Variants in TNRC18 observed in about 807,000 individuals in gnomAD.
TNRC18 encodes trinucleotide repeat containing 18.
Under a neutral mutation model 226.7 loss-of-function variants are expected in TNRC18, and 69 were observed. The observed-to-expected ratio is 0.30, with a 90% CI of 0.25 to 0.37. The LOEUF (loss-of-function observed/expected upper bound fraction) is 0.37. Among genes scored for constraint, TNRC18 ranks in the 10% least tolerant of loss-of-function variants. The probability of loss-of-function intolerance (pLI) is 1.00; values close to 1 mark genes in which losing one functional copy is unlikely to be tolerated. For missense variants in TNRC18, 4,754 were observed against 4,256.6 expected (o/e 1.12, Z -3.25); for synonymous variants, 2,449 against 1,927.6 (o/e 1.27, Z -7.09).
In TNRC18 at chr7:5,388,134, T is replaced by A. The variant is rs771797162; in HGVS notation, c.1690A>T (p.Thr564Ser). 3.9e-6 allele frequency: 6 copies of A among 1,557,428 alleles called. 1 individual carries two copies. In the South Asian group the frequency reaches 7.1e-5, roughly 18 times the overall value. Residue 564 changes from threonine (T) to serine (S), a missense_variant, in exon 5 of 30, where the codon ACC becomes TCC. Coordinates refer to ENST00000430969, the MANE Select transcript of TNRC18 (RefSeq NM_001080495.3). ...ATGTCAGCGACCGGCCGGCCGCAGG[T>A]GGCCGCCGAGCGGGGCAGCACAGCC... is the stretch of plus-strand genomic sequence containing the variant. ...PGAVLPRSAA[T>S]CGRPVADMHS... is the part of the protein sequence containing the mutation.
chr7:5,330,373 G>T (rs190448339), intron 19 of TNRC18, among the ~76,000 whole-genome samples: 1 of 151,372 alleles, frequency 6.6e-6, no homozygotes, highest in Admixed American at 6.6e-5. Flanking sequence ...GGGACTATAG[G>T]CACTGATCAC....
rs530879698 is a variant in TNRC18, at chr7:5,421,117, G to A, written c.130C>T (p.Pro44Ser). 2.0e-6 allele frequency: 3 copies of A among 1,467,076 alleles called. No individual in the cohort carries two copies. The highest frequency in any genetic ancestry group is 2.9e-5 in the African/African-American group (2 of 69,808). 90.9% of individuals were successfully genotyped at this position (1,467,076 alleles called of 1,614,324 possible). Residue 44 changes from proline (P) to serine (S), a missense_variant, in exon 2 of 30, where the codon CCC becomes TCC. Pro to Ser is a moderately conservative substitution (Grantham distance 74). Coordinates refer to ENST00000430969, the MANE Select transcript of TNRC18 (RefSeq NM_001080495.3). Reference sequence around the variant, plus strand: ...TACTTCCCGGGCGGCAGCGGGCCGGGCAAGCCCGAGGCGGGCAAGCGTCCG... The same window carrying A: ...TACTTCCCGGGCGGCAGCGGGCCGGACAAGCCCGAGGCGGGCAAGCGTCCG... ...TAGRLPASGL[P>S]GPLPPGKYMA...
intron 13 of TNRC18, 64 bp downstream of exon 13, chr7:5,361,833 G>C: frequency 6.6e-7 from 1 of 1,509,536 alleles, no homozygotes; most frequent in Non-Finnish European, 8.8e-7. Context: ...GACGGCTGCT[G>C]CGCGCCTGGG....
At position 5,362,437 on chromosome 7, in the gene TNRC18, G is replaced by C. The variant is rs563780053; in HGVS notation, c.4395+213C>G. Among the ~76,000 whole-genome samples, 5 of 152,272 alleles carry C rather than the reference G, an allele frequency of 3.3e-5. 1 individual carries two copies. The South Asian group carries it at 1.0e-3, about 32-fold the overall frequency. On this transcript the variant is annotated intron_variant, in intron 12 of 29. Coordinates refer to ENST00000430969, the MANE Select transcript of TNRC18 (RefSeq NM_001080495.3). ...GATCACACCGCGACCTGTGTGATGA[G>C]CCTGACATGCTAGCAGACAGGTAAA...
intron 10 of TNRC18, among the ~76,000 whole-genome samples, chr7:5,372,930 G>A (rs1794302449): frequency 6.6e-6 from 1 of 152,074 alleles, no homozygotes; most frequent in South Asian, 2.1e-4. Flanking sequence ...AGGCTGAGGT[G>A]GGCAGATCAC....
chr7:5,381,388 C>T (rs1016898841), intron 5 of TNRC18, among the ~76,000 whole-genome samples: 1 of 152,148 alleles, frequency 6.6e-6, no homozygotes, highest in African/African-American at 2.4e-5. Context: ...TCCCCTTCCC[C>T]ACCTCTGGGC....
In TNRC18 at chr7:5,324,879, G is replaced by A. The variant is rs1437356316; in HGVS notation, c.6300+217C>T. Among the ~76,000 whole-genome samples the A allele has an allele frequency of 6.6e-6, 1 of 152,146 alleles. No homozygotes were observed. The highest frequency in any genetic ancestry group is 6.5e-5 in the Admixed American group (1 of 15,274). ...CTCTGTTCCAGTGTCCCTCGCCCCC[G>A]CTAGAGCAGACATTTCCTGAGGACA... is the stretch of plus-strand genomic sequence containing the variant. On this transcript the variant is annotated intron_variant, in intron 20 of 29. Transcript: ENST00000430969. The surrounding 1 kb of genome is among the most constrained non-coding windows in gnomAD (Gnocchi z 4.8).
intron 24 of TNRC18, 21 bp from the exon 25 acceptor site, chr7:5,316,093 C>T: frequency 1.3e-6 from 2 of 1,596,478 alleles, no homozygotes; most frequent in Admixed American, 1.7e-5. Flanking sequence ...AGGGGAGGCT[C>T]AGGGGAGGCC....
chr7:5,389,471 T>TTTTTTTTCTTTTC, intron 4 of TNRC18, 135 bp from the exon 5 acceptor site: 1 of 923,914 alleles, frequency 1.1e-6, no homozygotes, highest in Non-Finnish European at 1.4e-6. Flanking sequence ...GTTTTTTTTT[T>TTTTTTTTCTTTTC]CAGAAAGAGT....
chr7:5,385,511 A>AC (rs1215628264), intron 5 of TNRC18, among the ~76,000 whole-genome samples: 1 of 147,622 alleles, frequency 6.8e-6, no homozygotes, highest in Non-Finnish European at 1.5e-5. Context: ...AAAAAAAAAA[A>AC]AAAAAAGAAA....
Position 5,421,085 on chromosome 7 carries a change from G to C in TNRC18, c.162C>G (p.Ala54=), listed in dbSNP as rs1409830861. The C allele has an allele frequency of 2.0e-6, 3 of 1,493,142 alleles. No individual in the cohort carries two copies. In the East Asian group the frequency reaches 7.6e-5, roughly 38 times the overall value. The allele number at this position is 1,493,142 out of a possible 1,614,324, so 92.5% of individuals were successfully genotyped here. ...PGPLPPGKYM[A]GLNLHPHPGE... Reference sequence around the variant, plus strand: ...CCGGGTGCGGATGGAGATTCAGGCCGGCCATGTACTTCCCGGGCGGCAGCG... The same window carrying C: ...CCGGGTGCGGATGGAGATTCAGGCCCGCCATGTACTTCCCGGGCGGCAGCG... The change falls in exon 2 of 30, where the codon GCC becomes GCG. Residue 54 remains alanine, a synonymous_variant. Transcript: ENST00000430969.
At chr7:5,331,532 TGAAACCACAGAGTCTTGCAGCAACG>T (rs914193553) in intron 19 of TNRC18, among the ~76,000 whole-genome samples, 1 of 151,986 alleles carries the variant, frequency 6.6e-6, no homozygotes, top group Non-Finnish European at 1.5e-5. Context: ...GCAGCGCCGG[TGAAACCACAGAGTCTTGCAGCAACG>T]GAAACCACAG....
Position 5,312,247 on chromosome 7 carries a change from A to G in TNRC18, c.8388+256T>C, listed in dbSNP as rs1787300924. On this transcript the variant is annotated intron_variant, in intron 27 of 29. Coordinates refer to ENST00000430969, the MANE Select transcript of TNRC18 (RefSeq NM_001080495.3). The surrounding 1 kb of genome is among the most constrained non-coding windows in gnomAD (Gnocchi z 6.3). ...ACGTTTCCTTCATCTGGGCTCCACG[A>G]GGGTGGCTCTGCGTCCCGGGACCAG... 2.6e-5 allele frequency among the ~76,000 whole-genome samples: 4 copies of G among 152,192 alleles called. No homozygotes were observed. Among genetic ancestry groups the G allele is most frequent in the African/African-American group, 9.7e-5 (4 of 41,446 alleles).
Position 5,389,216 on chromosome 7 carries a change from T to A in TNRC18, c.608A>T (p.Asp203Val). 7.5e-7 allele frequency: 1 copy of A among 1,335,856 alleles called. No individual in the cohort carries two copies. Among genetic ancestry groups the A allele is most frequent in the Non-Finnish European group, 9.6e-7 (1 of 1,044,442 alleles). 82.8% of individuals were successfully genotyped at this position (1,335,856 alleles called of 1,614,324 possible). A position where few individuals can be genotyped will look rare whatever the true frequency, so the allele number is the denominator to read the frequency against. The stretch of plus-strand genomic sequence containing the variant: ...GCCCGCCCGCTCCTTGGCTGGACCG[T>A]CCCGCGACGACGAGCCTTTGGCCGG... ...GAPAKGSSSR[D>V]GPAKERAGRG... The change falls in exon 5 of 30, where the codon GAC becomes GTC. Residue 203 changes from aspartate to valine, a missense_variant. Physicochemically the swap from Asp to Val is radical, Grantham distance 152. Transcript: ENST00000430969.
Position 5,308,124 on chromosome 7 carries a change from G to C in TNRC18, c.8889C>G (p.Gly2963=). The part of the protein sequence containing the change: ...PTTGMIFSTD[G]VPVLC Reference sequence around the variant, plus strand: ...GGCGGGCTCAGCAGAGCACGGGCACGCCGTCCGTGGAGAAGATCATGCCCG... The same window carrying C: ...GGCGGGCTCAGCAGAGCACGGGCACCCCGTCCGTGGAGAAGATCATGCCCG... Residue 2963 remains glycine (G), a synonymous_variant, in exon 30 of 30, where the codon GGC becomes GGG. Coordinates refer to ENST00000430969, the MANE Select transcript of TNRC18 (RefSeq NM_001080495.3). The C allele has an allele frequency of 6.4e-7, 1 of 1,553,836 alleles. No homozygotes were observed. Among genetic ancestry groups the C allele is most frequent in the African/African-American group, 1.4e-5 (1 of 73,336 alleles).
chr7:5,332,405 C>T (rs1365089378), intron 19 of TNRC18, among the ~76,000 whole-genome samples: 7 of 152,204 alleles, frequency 4.6e-5, no homozygotes, highest in Non-Finnish European at 1.0e-4. Context: ...TGCGCTCCAG[C>T]CTGGTGACAG....
At chr7:5,310,135 T>C (rs1386136038) in intron 27 of TNRC18, among the ~76,000 whole-genome samples, 2 of 152,198 alleles carry the variant, frequency 1.3e-5, no homozygotes, top group Non-Finnish European at 2.9e-5. Context: ...ACTTTTGGCC[T>C]CAAGTGATCC....
At chr7:5,411,222 A>AC (rs1268687619) in intron 2 of TNRC18, among the ~76,000 whole-genome samples, 2 of 151,462 alleles carry the variant, frequency 1.3e-5, no homozygotes, top group African/African-American at 4.8e-5. Context: ...TCTCAAAAAA[A>AC]AAAAAAAAAA....
intron 2 of TNRC18, among the ~76,000 whole-genome samples, chr7:5,411,770 CACCCAAGA>C (rs780389534): frequency 6.6e-5 from 10 of 151,988 alleles, no homozygotes; most frequent in Non-Finnish European, 1.3e-4. Flanking sequence ...CTCTCCAGCA[CACCCAAGA>C]ACCGGGCCAA....
Sources: allele counts gnomAD v4.1 joint callset (sites outside exome capture counted in the v4.1 genomes callset), GRCh38; gene constraint gnomAD v4.1.1; non-coding constraint Gnocchi (gnomAD v3.1); transcripts MANE v1.5; gene names NCBI Gene and HGNC (gene_info 2026-07-23, HGNC 2026-07-21).